SGIP1: variants seen among roughly 807,000 people sequenced by gnomAD.
SGIP1 encodes SH3GL interacting endocytic adaptor 1, also known as SH3-containing GRB2-like protein 3-interacting protein 1.
A neutral mutation model predicts 107.5 loss-of-function variants in SGIP1; 38 were observed. The observed-to-expected ratio is 0.35, with a 90% CI of 0.27 to 0.46. The LOEUF (loss-of-function observed/expected upper bound fraction) is 0.46. Ranked by LOEUF, SGIP1 falls within the 20% of genes least tolerant of loss-of-function variation. SGIP1 has a pLI of 1.00. For missense variants in SGIP1, 929 were observed against 1,019.5 expected (o/e 0.91, Z 1.21); for synonymous variants, 365 against 366.1 (o/e 1.00, Z 0.03).
chr1:66,565,991 T>A (rs549408730), intron 1 of SGIP1, among the ~76,000 whole-genome samples: 1 of 150,534 alleles, frequency 6.6e-6, no homozygotes, highest in East Asian at 2.1e-4. Context: ...AATAGTAAAT[T>A]TTATTTCAAG....
At chr1:66,636,264 A>G (rs1571014618) in intron 4 of SGIP1, among the ~76,000 whole-genome samples, 2 of 152,236 alleles carry the variant, frequency 1.3e-5, no homozygotes, top group South Asian at 4.1e-4. Flanking sequence ...TACCTGTTTC[A>G]TCGACAAAGG....
At chr1:66,728,539 T>G (rs977884736) in intron 19 of SGIP1, among the ~76,000 whole-genome samples, 1 of 152,198 alleles carries the variant, frequency 6.6e-6, no homozygotes, top group Non-Finnish European at 1.5e-5. Context: ...TAGAAAATAG[T>G]GTGGTGATTC....
chr1:66,671,896 G>C, intron 10 of SGIP1, 48 bp from the exon 11 acceptor site: 2 of 1,559,202 alleles, frequency 1.3e-6, no homozygotes, highest in Non-Finnish European at 1.8e-6. Flanking sequence ...AGACATATCA[G>C]GGAATGGTAA....
chr1:66,597,051 T>A (rs1463765002), intron 1 of SGIP1, among the ~76,000 whole-genome samples: 1 of 152,228 alleles, frequency 6.6e-6, no homozygotes, highest in Non-Finnish European at 1.5e-5. Flanking sequence ...AAAACTGGTT[T>A]AAAAAATTTA....
intron 3 of SGIP1, chr1:66,634,081 AG>A: frequency 6.2e-7 from 1 of 1,604,380 alleles, no homozygotes; most frequent in Non-Finnish European, 8.5e-7. Context: ...TCTATTCAGC[AG>A]GGGAAAAAAA....
At chr1:66,652,800 C>A (rs2149594960) in intron 7 of SGIP1, among the ~76,000 whole-genome samples, 1 of 152,286 alleles carries the variant, frequency 6.6e-6, no homozygotes, top group African/African-American at 2.4e-5. Flanking sequence ...CTCCTACACA[C>A]CAGCATTCTC....
At chr1:66,642,704 A>C (rs963682500) in intron 5 of SGIP1, 106 bp from the exon 6 acceptor site, 5 of 941,452 alleles carry the variant, frequency 5.3e-6, no homozygotes, top group Admixed American at 2.6e-5. Context: ...TCATCTCCTA[A>C]AAGAAAAGAC....
chr1:66,712,988 C>T (rs1008490928), intron 18 of SGIP1, among the ~76,000 whole-genome samples: 1 of 152,092 alleles, frequency 6.6e-6, no homozygotes, highest in Non-Finnish European at 1.5e-5. Flanking sequence ...GCAACTCATC[C>T]TTCTAGGGGG....
intron 7 of SGIP1, among the ~76,000 whole-genome samples, chr1:66,648,370 T>A (rs1414763871): frequency 6.9e-6 from 1 of 144,354 alleles, no homozygotes; most frequent in African/African-American, 2.6e-5. Flanking sequence ...GTCATTGCCA[T>A]TCAATTAATG....
intron 20 of SGIP1, among the ~76,000 whole-genome samples, chr1:66,730,586 A>G (rs148343192): frequency 4.6e-5 from 7 of 152,156 alleles, no homozygotes; most frequent in East Asian, 1.9e-4. Context: ...CCCCTCTCCA[A>G]TACATTTCAA....
At chr1:66,650,559 C>T (rs568069595) in intron 7 of SGIP1, among the ~76,000 whole-genome samples, 27 of 152,230 alleles carry the variant, frequency 1.8e-4, no homozygotes, top group Non-Finnish European at 3.5e-4. Context: ...CCACATTCCC[C>T]CTGGCCTCCA....
At chr1:66,633,636 C>G (rs1169836795) in intron 3 of SGIP1, among the ~76,000 whole-genome samples, 5 of 152,158 alleles carry the variant, frequency 3.3e-5, no homozygotes, top group African/African-American at 1.2e-4. Flanking sequence ...ACAGTTAACT[C>G]TGACTCCTTG....
chr1:66,608,601 A>T (rs1261162561), intron 1 of SGIP1, among the ~76,000 whole-genome samples: 1 of 152,182 alleles, frequency 6.6e-6, no homozygotes, highest in East Asian at 1.9e-4. Flanking sequence ...GCCTAAAGAT[A>T]AAAGCTCTCT....
chr1:66,658,773 C>A lies in SGIP1; in HGVS notation c.460-1740C>A, dbSNP rs371505724. On this transcript the variant is annotated intron_variant, in intron 7 of 24. Coordinates refer to ENST00000371037, the MANE Select transcript of SGIP1 (RefSeq NM_032291.4). ...TCCCTGAGGCTAATAAATGTCAGGCCAATAGAAAGGCCTTCAATATTTGTT... is the reference window on the plus strand; with the variant it reads ...TCCCTGAGGCTAATAAATGTCAGGCAAATAGAAAGGCCTTCAATATTTGTT... Among the ~76,000 whole-genome samples, 10 of 152,206 alleles carry A rather than the reference C, an allele frequency of 6.6e-5. No individual in the cohort carries two copies. The East Asian group carries it at 1.9e-3, about 29-fold the overall frequency.
intron 19 of SGIP1, among the ~76,000 whole-genome samples, chr1:66,728,073 C>T (rs2093840273): frequency 6.6e-6 from 1 of 151,992 alleles, no homozygotes; most frequent in Non-Finnish European, 1.5e-5. Flanking sequence ...TTTTTCCTTC[C>T]ACGCTATCAT....
chr1:66,705,263 A>G (rs2092385378), intron 18 of SGIP1, among the ~76,000 whole-genome samples: 1 of 152,162 alleles, frequency 6.6e-6, no homozygotes, highest in South Asian at 2.1e-4. Context: ...TTGCTGACGC[A>G]TATTCACACA....
chr1:66,679,712 T>C lies in SGIP1; in HGVS notation c.774T>C (p.Ala258=), dbSNP rs1320033421. Residue 258 remains alanine (A), a synonymous_variant, in exon 14 of 25, where the codon GCT becomes GCC. Transcript: ENST00000371037. ...CACTGCCTCCAAAAAATGTACCAGCTACCCCACCCCGAACAGGATCCCCCT... is the reference window on the plus strand; with the variant it reads ...CACTGCCTCCAAAAAATGTACCAGCCACCCCACCCCGAACAGGATCCCCCT... ...PPPLPPKNVP[A]TPPRTGSPLT... is the part of the protein sequence containing the mutation. 2 of 1,606,516 alleles carry C rather than the reference T, an allele frequency of 1.2e-6. No individual in the cohort carries two copies. The highest frequency in any genetic ancestry group is 1.7e-6 in the Non-Finnish European group (2 of 1,178,092).
At chr1:66,719,942 GAGAA>G (rs1461085634) in intron 19 of SGIP1, among the ~76,000 whole-genome samples, 1 of 149,908 alleles carries the variant, frequency 6.7e-6, no homozygotes, top group Non-Finnish European at 1.5e-5. Flanking sequence ...AAAAATGAAA[GAGAA>G]AGAAAAAATT....
rs527295678 is a variant in SGIP1 at position 66,563,918 on chromosome 1, G to A, written c.10+29550G>A. On this transcript the variant is annotated intron_variant, in intron 1 of 24. Transcript: ENST00000371037. Reference sequence around the variant, plus strand: ...CTTACTGTTAGGGGCAAATTGTAACGCAGAGGTCCTATCTAGGGCAGCCAG... The same window carrying A: ...CTTACTGTTAGGGGCAAATTGTAACACAGAGGTCCTATCTAGGGCAGCCAG... Among the ~76,000 whole-genome samples the A allele has an allele frequency of 3.3e-5, 5 of 152,076 alleles. No homozygotes were observed. In the South Asian group the frequency reaches 6.2e-4, roughly 19 times the overall value.
Sources: allele counts gnomAD v4.1 joint callset (sites outside exome capture counted in the v4.1 genomes callset), GRCh38; gene constraint gnomAD v4.1.1; transcripts MANE v1.5; gene names NCBI Gene and HGNC (gene_info 2026-07-23, HGNC 2026-07-21).